Variants in LRP8 observed in about 807,000 individuals in gnomAD.
The protein encoded by LRP8 is LDL receptor related protein 8.
In LRP8, 46 loss-of-function variants were observed where a neutral mutation model predicts 111.6. The observed-to-expected ratio is 0.41, with a 90% CI of 0.33 to 0.53. The LOEUF (loss-of-function observed/expected upper bound fraction) is 0.53. LRP8 is among the 20% of genes least tolerant of loss of function. The pLI is 0.20. For synonymous variants in LRP8, 464 were observed against 511.2 expected, an observed-to-expected ratio of 0.91 and a Z score of 1.24; for missense variants, 959 against 1,297.4, an observed-to-expected ratio of 0.74 and a Z score of 4.01.
intron 10 of LRP8, 106 bp downstream of exon 10, chr1:53,264,063 T>C: frequency 7.2e-6 from 8 of 1,103,528 alleles, no homozygotes; most frequent in Non-Finnish European, 1.1e-5. Context: ...GGCCTGTGTC[T>C]GAGTGGCCCA....
intron 3 of LRP8, among the ~76,000 whole-genome samples, chr1:53,281,209 C>T (rs898118092): frequency 1.3e-5 from 2 of 152,162 alleles, no homozygotes; most frequent in Admixed American, 6.5e-5. Flanking sequence ...CCAATCGGCC[C>T]GCCTCTAAGC....
At chr1:53,264,068 G>A in intron 10 of LRP8, 101 bp downstream of exon 10, 1 of 1,139,596 alleles carries the variant, frequency 8.8e-7, no homozygotes, top group Non-Finnish European at 1.3e-6. Flanking sequence ...GTGTCTGAGT[G>A]GCCCAGAGCT....
chr1:53,284,825 G>C (rs1647316020), intron 3 of LRP8, among the ~76,000 whole-genome samples: 1 of 152,196 alleles, frequency 6.6e-6, no homozygotes, highest in Non-Finnish European at 1.5e-5. Flanking sequence ...GCCAGGACTT[G>C]AGAGATCTCA....
At chr1:53,263,459 G>A (rs1268158402) in intron 10 of LRP8, among the ~76,000 whole-genome samples, 3 of 152,102 alleles carry the variant, frequency 2.0e-5, no homozygotes, top group Non-Finnish European at 1.5e-5. Context: ...ATGATATAAC[G>A]CTAAAAAAAC....
At position 53,317,446 on chromosome 1, in the gene LRP8, G is replaced by A. The variant is rs1203621634; in HGVS notation, c.244+9427C>T. Among the ~76,000 whole-genome samples, 1 of 152,218 alleles carries A rather than the reference G, an allele frequency of 6.6e-6. No individual in the cohort carries two copies. The highest frequency in any genetic ancestry group is 1.5e-5 in the Non-Finnish European group (1 of 68,044). ...CCCCAGCGCAGATGGGGTGGGATGA[G>A]ATGGCTCCGACAGTCCCTCCCAGCC... On this transcript the variant is annotated intron_variant, in intron 2 of 18. Transcript: ENST00000306052. This position sits in a 1 kb window ranked among gnomAD's most constrained non-coding sequence, Gnocchi z 4.9.
chr1:53,300,321 A>G (rs1205998484), intron 2 of LRP8, among the ~76,000 whole-genome samples: 1 of 152,170 alleles, frequency 6.6e-6, no homozygotes, highest in Non-Finnish European at 1.5e-5. Context: ...GGCCAGCTCA[A>G]GCATCAGCTG....
At chr1:53,283,470 C>CGCTT (rs1411529878) in intron 3 of LRP8, among the ~76,000 whole-genome samples, 7 of 110,330 alleles carry the variant, frequency 6.3e-5, no homozygotes, top group East Asian at 3.3e-4. Flanking sequence ...ATACCCGGGC[C>CGCTT]ACTTACTTAC....
chr1:53,287,774 A>G (rs1647822482), intron 3 of LRP8, among the ~76,000 whole-genome samples: 1 of 151,970 alleles, frequency 6.6e-6, no homozygotes, highest in Non-Finnish European at 1.5e-5. Context: ...AGCCCAGGGG[A>G]TGGGAAGGCA....
rs985459495 is a variant in LRP8 at position 53,320,350 on chromosome 1, G to A, written c.244+6523C>T. Among the ~76,000 whole-genome samples, 6 of 152,174 alleles carry A rather than the reference G, an allele frequency of 3.9e-5. No individual in the cohort carries two copies. In the East Asian group the frequency reaches 7.7e-4, roughly 20 times the overall value. Reference sequence around the variant, plus strand: ...GGAACAAAGAGGGTGGGGGTGGGAGGGGGAAGCACATACAGTTCTGACTCC... The same window carrying A: ...GGAACAAAGAGGGTGGGGGTGGGAGAGGGAAGCACATACAGTTCTGACTCC... On this transcript the variant is annotated intron_variant, in intron 2 of 18. Coordinates refer to ENST00000306052, the MANE Select transcript of LRP8 (RefSeq NM_004631.5).
intron 2 of LRP8, among the ~76,000 whole-genome samples, chr1:53,300,665 C>A (rs760303425): frequency 1.3e-5 from 2 of 152,240 alleles, no homozygotes; most frequent in African/African-American, 4.8e-5. Flanking sequence ...GCCAGTGACA[C>A]GTGGCTCGGC....
chr1:53,264,081 C>T, intron 10 of LRP8, 88 bp downstream of exon 10: 1 of 1,325,328 alleles, frequency 7.5e-7, no homozygotes, highest in Non-Finnish European at 1.1e-6. Flanking sequence ...CCAGAGCTTT[C>T]TAGAACCCTC....
rs1341537170 is a variant in LRP8 at position 53,266,840 on chromosome 1, A to G, written c.1253-193T>C. ...AAGCAGAAGATGCAGAGCACCACGCATAGCAGGAAGATTCTTATTCTTTTT... is the reference window on the plus strand; with the variant it reads ...AAGCAGAAGATGCAGAGCACCACGCGTAGCAGGAAGATTCTTATTCTTTTT... On this transcript the variant is annotated intron_variant, in intron 8 of 18. Transcript: ENST00000306052. This position sits in a 1 kb window ranked among gnomAD's most constrained non-coding sequence, Gnocchi z 5.0. 5.2e-6 allele frequency: 3 copies of G among 576,556 alleles called. No homozygotes were observed. Among genetic ancestry groups the G allele is most frequent in the African/African-American group, 3.7e-5 (2 of 53,598 alleles). The allele number at this position is 576,556 out of a possible 1,614,324, so 35.7% of individuals were successfully genotyped here. A position where few individuals can be genotyped will look rare whatever the true frequency, so the allele number is the denominator to read the frequency against.
chr1:53,311,982 C>T (rs936717130), intron 2 of LRP8, among the ~76,000 whole-genome samples: 1 of 152,226 alleles, frequency 6.6e-6, no homozygotes, highest in Non-Finnish European at 1.5e-5. Context: ...ACGTGGCCAG[C>T]GCCTCCAGCT....
At chr1:53,306,404 G>A (rs1651967586) in intron 2 of LRP8, among the ~76,000 whole-genome samples, 1 of 152,208 alleles carries the variant, frequency 6.6e-6, no homozygotes, top group African/African-American at 2.4e-5. Context: ...CCAGGCATGT[G>A]AACTAGCTCT....
chr1:53,248,346 G>A (rs1370248391), intron 18 of LRP8, among the ~76,000 whole-genome samples: 1 of 152,158 alleles, frequency 6.6e-6, no homozygotes, highest in Non-Finnish European at 1.5e-5. Flanking sequence ...CTCTCTCTAA[G>A]ACAGATCTCT....
At chr1:53,323,885 A>T (rs1654822331) in intron 2 of LRP8, among the ~76,000 whole-genome samples, 1 of 152,238 alleles carries the variant, frequency 6.6e-6, no homozygotes, top group Non-Finnish European at 1.5e-5. Context: ...ACCATCTTTC[A>T]GGCCTAGTTC....
At position 53,264,229 on chromosome 1, in the gene LRP8, C is replaced by T. The variant is rs758211330; in HGVS notation, c.1595G>A (p.Arg532His). 1.7e-5 allele frequency: 28 copies of T among 1,614,018 alleles called. 1 individual carries two copies. The highest frequency in any genetic ancestry group is 1.6e-4 in the Middle Eastern group (1 of 6,062). ...ACTGAGGTTACGGCTGAAGAGAGTGCGTCGGCGGCCACCATCAACTGTGGC... is the reference window on the plus strand; with the variant it reads ...ACTGAGGTTACGGCTGAAGAGAGTGTGTCGGCGGCCACCATCAACTGTGGC... ...SVATVDGGRR[R>H]TLFSRNLSEP... Residue 532 changes from arginine (R) to histidine (H), a missense_variant, in exon 10 of 19, where the codon CGC becomes CAC. Around this residue, in one of 3 missense-constraint regions of LRP8, gnomAD observed 819 missense variants for 1,097.6 expected, o/e 0.75. Transcript: ENST00000306052.
intron 13 of LRP8, 68 bp downstream of exon 13, chr1:53,260,396 C>T: frequency 4.0e-6 from 6 of 1,502,984 alleles, no homozygotes; most frequent in Non-Finnish European, 5.5e-6. Context: ...ACACAGCCTG[C>T]CTGGTGAAAG....
chr1:53,319,003 C>A (rs1486570162), intron 2 of LRP8, among the ~76,000 whole-genome samples: 1 of 152,114 alleles, frequency 6.6e-6, no homozygotes, highest in Non-Finnish European at 1.5e-5. Context: ...TTTCAGCTAA[C>A]CAGAAGTTAC....
Sources: gnomAD v4.1 joint callset for allele counts (sites outside exome capture counted in the v4.1 genomes callset) on GRCh38, gnomAD v4.1.1 for gene constraint, gnomAD v4.1.1 regional missense constraint, Gnocchi (gnomAD v3.1) non-coding constraint, MANE v1.5 for transcripts, NCBI Gene and HGNC (gene_info 2026-07-23, HGNC 2026-07-21) for gene names.